THEM6: variants seen among roughly 807,000 people sequenced by gnomAD.
The protein encoded by THEM6 is protein THEM6.
Under a neutral mutation model 13.7 loss-of-function variants are expected in THEM6, and 10 were observed. That is an observed-to-expected ratio of 0.73 (90% confidence interval 0.45 to 1.24). THEM6 has a LOEUF of 1.24. Among genes scored for constraint, THEM6 ranks in the 50% most tolerant of loss-of-function variants. The probability of loss-of-function intolerance (pLI) is 0.00; values close to 1 mark genes in which losing one functional copy is unlikely to be tolerated. For synonymous variants in THEM6, 161 were observed against 156.0 expected, an observed-to-expected ratio of 1.03 and a Z score of -0.24; for missense variants, 317 against 312.6, an observed-to-expected ratio of 1.01 and a Z score of -0.11.
In THEM6 at chr8:142,735,847, A is replaced by G. The variant is rs587694585; in HGVS notation, c.*408A>G. 19 of 212,244 alleles carry G rather than the reference A, an allele frequency of 9.0e-5. No homozygotes were observed. The South Asian group carries it at 1.2e-3, about 13-fold the overall frequency. The allele number at this position is 212,244 out of a possible 1,614,324, so 13.1% of individuals were successfully genotyped here. A position where few individuals can be genotyped will look rare whatever the true frequency, so the allele number is the denominator to read the frequency against. On this transcript the variant is annotated 3_prime_UTR_variant, in exon 2 of 2. Coordinates refer to ENST00000336138, the MANE Select transcript of THEM6 (RefSeq NM_016647.3). ...AGGGCCAGACCAGAGCATCCTGGGT[A>G]CAGGCCTGGGCTCTCCAGGGCCTGG...
At chr8:142,729,581 A>G (rs587741983) in intron 1 of THEM6, among the ~76,000 whole-genome samples, 7 of 152,316 alleles carry the variant, frequency 4.6e-5, no homozygotes, top group African/African-American at 1.7e-4. Context: ...AACTGAGGCT[A>G]CTGAAGAAGG....
chr8:142,730,802 T>G (rs1409818833), intron 1 of THEM6, among the ~76,000 whole-genome samples: 3 of 151,892 alleles, frequency 2.0e-5, no homozygotes, highest in African/African-American at 7.3e-5. Flanking sequence ...TGGAGTGCAG[T>G]GGCGCAATCT....
In THEM6 at chr8:142,727,492, G is replaced by C. The variant is rs781895594; in HGVS notation, c.146G>C (p.Arg49Pro). 7 of 1,576,568 alleles carry C rather than the reference G, an allele frequency of 4.4e-6. No homozygotes were observed. The highest frequency in any genetic ancestry group is 5.1e-6 in the Non-Finnish European group (6 of 1,169,652). ...GTCCGTGACCTGCTAGCTGAGCAGC[G>C]CTTCCCGGGCCGCGTGCTGCCCTCG... ...PRVRDLLAEQRFPGRVLPSDL... is the reference protein window; with the variant it reads ...PRVRDLLAEQPFPGRVLPSDL... The change falls in exon 1 of 2, where the codon CGC (arginine) becomes CCC (proline). Residue 49 changes from arginine to proline, a missense_variant. Arg to Pro is a moderately radical substitution (Grantham distance 103). Transcript: ENST00000336138.
In THEM6 at chr8:142,727,371, C is replaced by T. The variant is rs1554642398; in HGVS notation, c.25C>T (p.Leu9=). 6.6e-7 allele frequency: 1 copy of T among 1,520,880 alleles called. No homozygotes were observed. Among genetic ancestry groups the T allele is most frequent in the African/African-American group, 1.4e-5 (1 of 69,980 alleles). 94.2% of individuals were successfully genotyped at this position (1,520,880 alleles called of 1,614,324 possible). The change falls in exon 1 of 2, where the codon CTG becomes TTG. Residue 9 remains leucine, a synonymous_variant. Transcript: ENST00000336138. MLGLLVAL[L]ALGLAVFALL... The stretch of plus-strand genomic sequence containing the variant: ...TATGCTGGGGCTGCTGGTGGCGTTG[C>T]TGGCCCTGGGGCTCGCTGTCTTTGC...
rs1430917839 is a variant in THEM6 at position 142,731,933 on chromosome 8, ACCT to A, written c.514-3388_514-3386del. ...CAAATTGCAAGAATTATGCCCTCTC[ACCT>A]CCTCTGCTCTCTTCCTGGCGCCGCT... On this transcript the variant is annotated intron_variant, in intron 1 of 1. Transcript: ENST00000336138. Among the ~76,000 whole-genome samples the A allele has an allele frequency of 5.3e-5, 8 of 149,830 alleles. No homozygotes were observed. In the East Asian group the frequency reaches 1.4e-3, roughly 26 times the overall value.
chr8:142,728,937 C>CTTTTTTTCT (rs1815581958), intron 1 of THEM6, among the ~76,000 whole-genome samples: 1 of 107,266 alleles, frequency 9.3e-6, no homozygotes, highest in Non-Finnish European at 1.8e-5. Context: ...TTACTATTTT[C>CTTTTTTTCT]TTTTTTTTTT....
chr8:142,728,215 C>T lies in THEM6; in HGVS notation c.513+356C>T, dbSNP rs1160519571. ...AGTGTTGACCTCTCTGGTCCTTGGT[C>T]CTGAATATAGGTTGGAGAGGTGATC... On this transcript the variant is annotated intron_variant, in intron 1 of 1. Transcript: ENST00000336138. Among the ~76,000 whole-genome samples the T allele has an allele frequency of 2.0e-5, 3 of 152,298 alleles. No individual in the cohort carries two copies. In the East Asian group the frequency reaches 5.8e-4, roughly 29 times the overall value.
chr8:142,731,396 C>T (rs189323711), intron 1 of THEM6, among the ~76,000 whole-genome samples: 1 of 152,054 alleles, frequency 6.6e-6, no homozygotes, highest in Non-Finnish European at 1.5e-5. Flanking sequence ...TTCTGACATA[C>T]CTTGTATATA....
intron 1 of THEM6, among the ~76,000 whole-genome samples, chr8:142,729,033 G>A (rs1179641918): frequency 7.0e-6 from 1 of 143,168 alleles, no homozygotes; most frequent in African/African-American, 2.6e-5. Flanking sequence ...TCCGCCTTCC[G>A]GGTTCACGCC....
chr8:142,736,211 G>T lies in THEM6; in HGVS notation c.*772G>T, dbSNP rs971123606. On this transcript the variant is annotated 3_prime_UTR_variant, in exon 2 of 2. Transcript: ENST00000336138. Reference sequence around the variant, plus strand: ...GTTCCCTTGTTGGAGGGAATAGAGTGGGGGTGGGACTCTGCAGGGGTGTCC... The same window carrying T: ...GTTCCCTTGTTGGAGGGAATAGAGTTGGGGTGGGACTCTGCAGGGGTGTCC... 1.3e-5 allele frequency: 2 copies of T among 152,510 alleles called. No individual in the cohort carries two copies. The highest frequency in any genetic ancestry group is 6.5e-5 in the Admixed American group (1 of 15,310). The allele number at this position is 152,510 out of a possible 1,614,324, so 9.4% of individuals were successfully genotyped here.
Position 142,727,679 on chromosome 8 carries a change from G to A in THEM6, c.333G>A (p.Leu111=), listed in dbSNP as rs11540545. ...AASCARHRRS[L]RLLEPFEVRT... ...CGTGCGCGCGCCACCGCCGCTCGCT[G>A]CGCCTGCTGGAGCCCTTCGAGGTGC... is the stretch of plus-strand genomic sequence containing the variant. Residue 111 remains leucine (L), a synonymous_variant, in exon 1 of 2, where the codon CTG becomes CTA. Transcript: ENST00000336138. 5 of 1,432,366 alleles carry A rather than the reference G, an allele frequency of 3.5e-6. No homozygotes were observed. In the South Asian group the frequency reaches 5.8e-5, roughly 17 times the overall value. The allele number at this position is 1,432,366 out of a possible 1,614,324, so 88.7% of individuals were successfully genotyped here. A position where few individuals can be genotyped will look rare whatever the true frequency, so the allele number is the denominator to read the frequency against.
At chr8:142,730,593 A>G (rs1815624684) in intron 1 of THEM6, among the ~76,000 whole-genome samples, 1 of 152,184 alleles carries the variant, frequency 6.6e-6, no homozygotes, top group Non-Finnish European at 1.5e-5. Context: ...GGCCTTGGAC[A>G]TGAGGGGCCT....
At chr8:142,732,321 C>T (rs1423046651) in intron 1 of THEM6, among the ~76,000 whole-genome samples, 1 of 150,436 alleles carries the variant, frequency 6.6e-6, no homozygotes, top group Non-Finnish European at 1.5e-5. Flanking sequence ...CCTGTTTCCT[C>T]CTTTCCCCCC....
intron 1 of THEM6, among the ~76,000 whole-genome samples, chr8:142,732,415 G>A (rs1376282130): frequency 5.3e-5 from 8 of 151,060 alleles, no homozygotes; most frequent in African/African-American, 1.2e-4. Context: ...TAGTGTAGGC[G>A]TGCTGGTATA....
rs1212665191 is a variant in THEM6, at chr8:142,727,513, C to T, written c.167C>T (p.Pro56Leu). Residue 56 changes from proline to leucine, a missense_variant, in exon 1 of 2, where the codon CCC becomes CTC. Coordinates refer to ENST00000336138, the MANE Select transcript of THEM6 (RefSeq NM_016647.3). ...CAGCGCTTCCCGGGCCGCGTGCTGC[C>T]CTCGGACTTGGACCTGCTGCTGCAC... ...AEQRFPGRVL[P>L]SDLDLLLHMN... The T allele has an allele frequency of 1.9e-6, 3 of 1,579,400 alleles. No homozygotes were observed. Among genetic ancestry groups the T allele is most frequent in the East Asian group, 4.7e-5 (2 of 42,870 alleles).
intron 1 of THEM6, among the ~76,000 whole-genome samples, chr8:142,728,594 GGACAGGTGCCTCCCGAGCA>G (rs1329101950): frequency 6.6e-6 from 1 of 152,214 alleles, no homozygotes; most frequent in African/African-American, 2.4e-5. Flanking sequence ...CTCCGGTCTC[GGACAGGTGCCTCCCGAGCA>G]GACGAGGGTC....
At chr8:142,728,112 C>T (rs1442939197) in intron 1 of THEM6, among the ~76,000 whole-genome samples, 3 of 152,208 alleles carry the variant, frequency 2.0e-5, no homozygotes, top group African/African-American at 7.2e-5. Context: ...TGCTTCCCTC[C>T]TGCCATTTCT....
chr8:142,732,727 T>C (rs1053605533), intron 1 of THEM6, among the ~76,000 whole-genome samples: 4 of 151,422 alleles, frequency 2.6e-5, no homozygotes, highest in African/African-American at 7.3e-5. Flanking sequence ...TTTTTTTTTT[T>C]CTGCATTGCT....
chr8:142,733,452 G>T (rs1453309173), intron 1 of THEM6, among the ~76,000 whole-genome samples: 1 of 152,240 alleles, frequency 6.6e-6, no homozygotes, highest in Non-Finnish European at 1.5e-5. Flanking sequence ...AGTCTTTGAA[G>T]AGGAACCTCT....
Sources: allele counts gnomAD v4.1 joint callset (sites outside exome capture counted in the v4.1 genomes callset), GRCh38; gene constraint gnomAD v4.1.1; transcripts MANE v1.5; gene names NCBI Gene and HGNC (gene_info 2026-07-23, HGNC 2026-07-21).